CHST11: variants seen among roughly 807,000 people sequenced by gnomAD.
CHST11 encodes C4S-1.
CHST11 carries 9 observed loss-of-function variants against 30.4 expected under a neutral mutation model. The observed-to-expected ratio is 0.30, with a 90% CI of 0.18 to 0.52. The LOEUF is 0.52. Ranked by LOEUF, CHST11 falls within the 20% of genes least tolerant of loss-of-function variation. The probability of loss-of-function intolerance (pLI) is 0.97; values close to 1 mark genes in which losing one functional copy is unlikely to be tolerated. For missense variants in CHST11, 348 were observed against 460.6 expected, an observed-to-expected ratio of 0.76 and a Z score of 2.24; for synonymous variants, 152 against 187.8, an observed-to-expected ratio of 0.81 and a Z score of 1.56.
In CHST11 at chr12:104,630,757, C is replaced by T. The variant is rs185177919; in HGVS notation, c.204+28766C>T. ...TTCTCAAGGCAAGGAGTCATGGCCTCATCTCTCTGGAAAGCTTTGAAATCC... is the reference window on the plus strand; with the variant it reads ...TTCTCAAGGCAAGGAGTCATGGCCTTATCTCTCTGGAAAGCTTTGAAATCC... On this transcript the variant is annotated intron_variant, in intron 2 of 2. Coordinates refer to ENST00000303694, the MANE Select transcript of CHST11 (RefSeq NM_018413.6). Among the ~76,000 whole-genome samples the T allele has an allele frequency of 1.1e-4, 17 of 152,312 alleles. No homozygotes were observed. In the East Asian group the frequency reaches 2.1e-3, roughly 19 times the overall value.
chr12:104,611,888 G>A (rs2039063301), intron 2 of CHST11, among the ~76,000 whole-genome samples: 1 of 152,208 alleles, frequency 6.6e-6, no homozygotes, highest in African/African-American at 2.4e-5. Context: ...GTGTGAGGCA[G>A]TTGGAGAGAA....
At chr12:104,460,391 C>T (rs552106490) in intron 1 of CHST11, among the ~76,000 whole-genome samples, 3 of 152,208 alleles carry the variant, frequency 2.0e-5, no homozygotes, top group South Asian at 2.1e-4. Context: ...AGGCAGGGCG[C>T]GGTGGCTCAT....
chr12:104,683,968 A>G (rs928044190), intron 2 of CHST11, among the ~76,000 whole-genome samples: 4 of 152,200 alleles, frequency 2.6e-5, no homozygotes, highest in Non-Finnish European at 4.4e-5. Context: ...AGTGGATTAG[A>G]AGGGCAGAGA....
At chr12:104,489,169 T>C (rs968216677) in intron 1 of CHST11, among the ~76,000 whole-genome samples, 1 of 152,072 alleles carries the variant, frequency 6.6e-6, no homozygotes, top group African/African-American at 2.4e-5. Context: ...CCCAAGTAGC[T>C]GGGATTACAG....
chr12:104,475,762 T>C (rs896844042), intron 1 of CHST11, among the ~76,000 whole-genome samples: 3 of 137,256 alleles, frequency 2.2e-5, no homozygotes, highest in Non-Finnish European at 4.6e-5. Flanking sequence ...CCAAAAAAAG[T>C]TACCCCAATC....
intron 1 of CHST11, among the ~76,000 whole-genome samples, chr12:104,483,649 T>G (rs1341065953): frequency 1.3e-5 from 2 of 152,344 alleles, no homozygotes; most frequent in Non-Finnish European, 2.9e-5. Flanking sequence ...CTGCATCTCT[T>G]TGGTTCCTGC....
intron 1 of CHST11, among the ~76,000 whole-genome samples, chr12:104,568,257 G>A (rs1382156670): frequency 1.3e-5 from 2 of 152,178 alleles, no homozygotes; most frequent in Admixed American, 6.5e-5. Context: ...TCTTGCTGCA[G>A]TGTGTTGTTG....
intron 2 of CHST11, among the ~76,000 whole-genome samples, chr12:104,684,133 G>C (rs539516633): frequency 6.6e-6 from 1 of 152,354 alleles, no homozygotes; most frequent in East Asian, 1.9e-4. Flanking sequence ...CATTATTTAT[G>C]AGAAAGGACT....
intron 2 of CHST11, among the ~76,000 whole-genome samples, chr12:104,651,567 G>T (rs558077219): frequency 6.6e-6 from 1 of 152,084 alleles, no homozygotes; most frequent in South Asian, 2.1e-4. Context: ...TTGACCTGGG[G>T]GCCAGTCCTG....
chr12:104,605,453 C>T (rs2038995833), intron 2 of CHST11, among the ~76,000 whole-genome samples: 4 of 152,170 alleles, frequency 2.6e-5, no homozygotes, highest in Admixed American at 2.6e-4. Flanking sequence ...GTGGCGGGCG[C>T]CTACAGTCCC....
chr12:104,469,356 A>C (rs900823007), intron 1 of CHST11, among the ~76,000 whole-genome samples: 3 of 152,198 alleles, frequency 2.0e-5, no homozygotes, highest in Admixed American at 2.0e-4. Context: ...TGACCGCAGC[A>C]TTTCCTCCCA....
At chr12:104,686,475 T>A (rs2039847434) in intron 2 of CHST11, among the ~76,000 whole-genome samples, 1 of 152,204 alleles carries the variant, frequency 6.6e-6, no homozygotes, top group African/African-American at 2.4e-5. Flanking sequence ...AATCTGGTAC[T>A]AGGCCCACAC....
chr12:104,742,474 C>T (rs1248285701), intron 2 of CHST11, among the ~76,000 whole-genome samples: 1 of 152,206 alleles, frequency 6.6e-6, no homozygotes, highest in African/African-American at 2.4e-5. Context: ...AAAGCACTAG[C>T]CAGCAGGTGC....
At chr12:104,670,563 A>G (rs1010312797) in intron 2 of CHST11, among the ~76,000 whole-genome samples, 11 of 146,926 alleles carry the variant, frequency 7.5e-5, no homozygotes, top group African/African-American at 2.5e-4. Flanking sequence ...CCACACATAC[A>G]CACCCACACA....
chr12:104,749,213 C>G (rs1376752777), intron 2 of CHST11, among the ~76,000 whole-genome samples: 1 of 152,188 alleles, frequency 6.6e-6, no homozygotes, highest in African/African-American at 2.4e-5. Flanking sequence ...CCAAGAATCT[C>G]CCTCCTGCAC....
intron 2 of CHST11, among the ~76,000 whole-genome samples, chr12:104,664,127 C>A (rs1431301604): frequency 6.6e-6 from 1 of 152,168 alleles, no homozygotes; most frequent in African/African-American, 2.4e-5. Context: ...AGGGTAGGAA[C>A]TGTATATCAC....
Position 104,757,576 on chromosome 12 carries a change from A to AAG in CHST11, c.833_834dup (p.Tyr279SerfsTer22). 1 of 1,614,204 alleles carries AAG rather than the reference A, an allele frequency of 6.2e-7. No homozygotes were observed. Among genetic ancestry groups the AAG allele is most frequent in the Non-Finnish European group, 8.5e-7 (1 of 1,180,032 alleles). The stretch of plus-strand genomic sequence containing the variant: ...CCACATCCACTATGACCTCGTGGGC[A>AAG]AGTACGAGACACTGGAAGAGGATTC... On this transcript the variant is annotated frameshift_variant, in exon 3 of 3. Coordinates refer to ENST00000303694, the MANE Select transcript of CHST11 (RefSeq NM_018413.6). LOFTEE classifies it high-confidence loss of function. The surrounding 1 kb of genome is among the most constrained non-coding windows in gnomAD (Gnocchi z 6.5).
chr12:104,507,610 T>C (rs2037919092), intron 1 of CHST11, among the ~76,000 whole-genome samples: 1 of 152,228 alleles, frequency 6.6e-6, no homozygotes, highest in Non-Finnish European at 1.5e-5. Flanking sequence ...TAAGTGTTTG[T>C]TGTTCACACA....
chr12:104,688,009 T>C (rs2039864482), intron 2 of CHST11, among the ~76,000 whole-genome samples: 1 of 152,144 alleles, frequency 6.6e-6, no homozygotes, highest in African/African-American at 2.4e-5. Context: ...TGTGGTTGTG[T>C]TTTCTGTGCA....
Sources: gnomAD v4.1 joint callset for allele counts (sites outside exome capture counted in the v4.1 genomes callset) on GRCh38, gnomAD v4.1.1 for gene constraint, Gnocchi (gnomAD v3.1) non-coding constraint, MANE v1.5 for transcripts, NCBI Gene and HGNC (gene_info 2026-07-23, HGNC 2026-07-21) for gene names.